Variants in LAMA2 observed in about 807,000 individuals in gnomAD.
LAMA2 encodes laminin subunit alpha-2.
LAMA2 carries 269 observed loss-of-function variants against 364.8 expected under a neutral mutation model. The ratio of observed to expected loss-of-function variants is 0.74; its 90% CI spans 0.67 to 0.82. The LOEUF (loss-of-function observed/expected upper bound fraction) is 0.82. LAMA2 is among the 40% of genes least tolerant of loss of function. The pLI, the probability that LAMA2 is intolerant of heterozygous loss-of-function variation, is 0.00. For synonymous variants in LAMA2, 1,379 were observed against 1,370.6 expected, an observed-to-expected ratio of 1.01 and a Z score of -0.14; for missense variants, 3,807 against 3,873.2, an observed-to-expected ratio of 0.98 and a Z score of 0.45.
intron 17 of LAMA2, among the ~76,000 whole-genome samples, chr6:129,275,548 A>C (rs1271591968): frequency 6.6e-6 from 1 of 152,024 alleles, no homozygotes; most frequent in Non-Finnish European, 1.5e-5. Context: ...AAATCAGTAA[A>C]TCTTCACTGT....
At chr6:129,045,420 G>T (rs1787410119) in intron 1 of LAMA2, among the ~76,000 whole-genome samples, 1 of 152,152 alleles carries the variant, frequency 6.6e-6, no homozygotes. Flanking sequence ...GCCCTGACAA[G>T]AAGTCTTGTA....
At chr6:129,148,418 A>G (rs1778600339) in intron 6 of LAMA2, among the ~76,000 whole-genome samples, 2 of 152,178 alleles carry the variant, frequency 1.3e-5, no homozygotes, top group South Asian at 4.1e-4. Context: ...GGTGCTTTCT[A>G]TCAGGTGTAC....
At chr6:129,260,886 T>G (rs1787078634) in intron 15 of LAMA2, 64 bp downstream of exon 15, 6 of 953,444 alleles carry the variant, frequency 6.3e-6, no homozygotes, top group Non-Finnish European at 1.0e-5. Flanking sequence ...TTCAATAACC[T>G]ATTCTAATAA....
chr6:129,232,665 C>T (rs1335128494), intron 12 of LAMA2, among the ~76,000 whole-genome samples: 1 of 152,062 alleles, frequency 6.6e-6, no homozygotes, highest in Non-Finnish European at 1.5e-5. Flanking sequence ...TGCCCTCCTC[C>T]AAGATACCCA....
rs1371168178 is a variant in LAMA2 at position 129,454,042 on chromosome 6, C to T, written c.6574-113C>T. 4 of 719,440 alleles carry T rather than the reference C, an allele frequency of 5.6e-6. No individual in the cohort carries two copies. The African/African-American group carries it at 7.1e-5, about 13-fold the overall frequency. The allele number at this position is 719,440 out of a possible 1,614,324, so 44.6% of individuals were successfully genotyped here. A position where few individuals can be genotyped will look rare whatever the true frequency, so the allele number is the denominator to read the frequency against. On this transcript the variant is annotated intron_variant, in intron 46 of 64. Transcript: ENST00000421865. ...ATTTGACAAGTATTATCATGAAGCTCCTAATCATTTCACATGTCTGCAAAT... is the reference window on the plus strand; with the variant it reads ...ATTTGACAAGTATTATCATGAAGCTTCTAATCATTTCACATGTCTGCAAAT...
chr6:129,067,117 A>G (rs1789413198), intron 3 of LAMA2, among the ~76,000 whole-genome samples: 1 of 152,218 alleles, frequency 6.6e-6, no homozygotes, highest in Non-Finnish European at 1.5e-5. Context: ...AACAATCAAC[A>G]TGGCTGCTCT....
At chr6:129,163,705 A>G (rs1395996114) in intron 8 of LAMA2, among the ~76,000 whole-genome samples, 1 of 152,250 alleles carries the variant, frequency 6.6e-6, no homozygotes, top group Non-Finnish European at 1.5e-5. Context: ...CATGTTTGAG[A>G]AAACTTTGGC....
At chr6:129,031,671 C>T (rs1197466539) in intron 1 of LAMA2, among the ~76,000 whole-genome samples, 1 of 152,152 alleles carries the variant, frequency 6.6e-6, no homozygotes, top group African/African-American at 2.4e-5. Flanking sequence ...TTCCAAGTCA[C>T]TAAAACAATA....
chr6:128,886,833 G>C (rs1451716460), intron 1 of LAMA2, among the ~76,000 whole-genome samples: 4 of 152,098 alleles, frequency 2.6e-5, no homozygotes, highest in African/African-American at 9.7e-5. Flanking sequence ...AATTGTGTTT[G>C]AGCAACTTGC....
chr6:129,451,253 AG>A (rs779774632), intron 45 of LAMA2, among the ~76,000 whole-genome samples: 35 of 152,202 alleles, frequency 2.3e-4, no homozygotes, highest in Non-Finnish European at 4.6e-4. Flanking sequence ...TGTATGTAGA[AG>A]GGAAATTCCA....
chr6:129,360,543 C>T (rs1333876639), intron 32 of LAMA2, among the ~76,000 whole-genome samples: 1 of 152,150 alleles, frequency 6.6e-6, no homozygotes. Flanking sequence ...CTGACCCATT[C>T]AGACAGATGT....
intron 3 of LAMA2, among the ~76,000 whole-genome samples, chr6:129,096,585 A>G (rs191443657): frequency 6.6e-6 from 1 of 152,302 alleles, no homozygotes; most frequent in Admixed American, 6.5e-5. Flanking sequence ...GATACTCAAT[A>G]AAACAGAATG....
chr6:129,480,907 C>T (rs1474648271), intron 54 of LAMA2, among the ~76,000 whole-genome samples: 1 of 152,000 alleles, frequency 6.6e-6, no homozygotes, highest in East Asian at 1.9e-4. Flanking sequence ...GGACAATCTC[C>T]CTAGACATGT....
chr6:129,353,158 A>T lies in LAMA2; in HGVS notation c.4524-6A>T, dbSNP rs1400739987. ...CCTCTTTTGCTTTGTCACTGTTTCA[A>T]TTCAGGTGTGCCCCTGGCTATACTG... is the stretch of plus-strand genomic sequence containing the variant. On this transcript the variant is annotated splice_region_variant and splice_polypyrimidine_tract_variant and intron_variant, in intron 31 of 64. Coordinates refer to ENST00000421865, the MANE Select transcript of LAMA2 (RefSeq NM_000426.4). 2 of 1,610,708 alleles carry T rather than the reference A, an allele frequency of 1.2e-6. No individual in the cohort carries two copies. Among genetic ancestry groups the T allele is most frequent in the Non-Finnish European group, 1.7e-6 (2 of 1,177,342 alleles).
At chr6:129,334,405 G>GA (rs1775828987) in intron 29 of LAMA2, among the ~76,000 whole-genome samples, 1 of 152,150 alleles carries the variant, frequency 6.6e-6, no homozygotes, top group Admixed American at 6.6e-5. Context: ...AGGATTTGAT[G>GA]AAATACTCAA....
intron 1 of LAMA2, among the ~76,000 whole-genome samples, chr6:128,993,066 C>T (rs1274571471): frequency 6.6e-6 from 1 of 152,164 alleles, no homozygotes. Flanking sequence ...AGAGCTCTCC[C>T]TGAGACACAT....
intron 5 of LAMA2, among the ~76,000 whole-genome samples, chr6:129,144,939 T>C (rs1778340603): frequency 6.6e-6 from 1 of 151,962 alleles, no homozygotes; most frequent in Non-Finnish European, 1.5e-5. Context: ...TCCTCCTGTC[T>C]ACCTTCTACC....
In LAMA2 at chr6:129,369,892, C is replaced by T. The variant is rs2114627229; in HGVS notation, c.4861C>T (p.His1621Tyr). 6.2e-7 allele frequency: 1 copy of T among 1,613,564 alleles called. No homozygotes were observed. Among genetic ancestry groups the T allele is most frequent in the Non-Finnish European group, 8.5e-7 (1 of 1,179,564 alleles). The change falls in exon 34 of 65, where the codon CAC becomes TAC. Residue 1621 changes from histidine to tyrosine, a missense_variant and splice_region_variant. His to Tyr is a moderately conservative substitution (Grantham distance 83, BLOSUM62 2). Transcript: ENST00000421865. ...GTTTATGGGATGGAATCTTTTTCAG[C>T]ACTTGCTGTCACCTCAGCGGGCCCC... The part of the protein sequence containing the change: ...GLENMTQELK[H>Y]LLSPQRAPER...
chr6:129,495,855 G>C (rs1554311801), intron 58 of LAMA2, among the ~76,000 whole-genome samples: 1 of 149,094 alleles, frequency 6.7e-6, no homozygotes, highest in South Asian at 2.1e-4. Context: ...ATAACCTTCT[G>C]TTCTAATTTC....
Sources: gnomAD v4.1 joint callset for allele counts (sites outside exome capture counted in the v4.1 genomes callset) on GRCh38, gnomAD v4.1.1 for gene constraint, MANE v1.5 for transcripts, NCBI Gene and HGNC (gene_info 2026-07-23, HGNC 2026-07-21) for gene names.